REC114: variants seen among roughly 807,000 people sequenced by gnomAD.
REC114 encodes the protein meiotic recombination protein REC114.
A neutral mutation model predicts 31.3 loss-of-function variants in REC114; 27 were observed. That is an observed-to-expected ratio of 0.86 (90% CI 0.64 to 1.19). The LOEUF (loss-of-function observed/expected upper bound fraction) is 1.19. Among genes scored for constraint, REC114 ranks in the 50% most tolerant of loss-of-function variants. REC114 has a pLI of 0.00. For missense variants in REC114, 344 were observed against 326.9 expected (o/e 1.05, Z -0.40); for synonymous variants, 134 against 127.7 (o/e 1.05, Z -0.33).
rs146117195 is a variant in REC114 at position 73,475,643 on chromosome 15, G to A, written c.249+1722G>A. Among the ~76,000 whole-genome samples, 1,313 of 152,200 alleles carry A rather than the reference G, an allele frequency of 8.6e-3. 23 individuals are homozygous for A. Among genetic ancestry groups the A allele is most frequent in the African/African-American group, 0.029 (1,224 of 41,516 alleles). On this transcript the variant is annotated intron_variant, in intron 2 of 5. Transcript: ENST00000331090. Reference sequence around the variant, plus strand: ...TTTTTGAAGTTTATAATGTAAAAATGTTACAGTAAGCTAAGGTTAATTTGT... The same window carrying A: ...TTTTTGAAGTTTATAATGTAAAAATATTACAGTAAGCTAAGGTTAATTTGT...
intron 2 of REC114, chr15:73,483,067 T>C (rs2141298049): frequency 6.6e-6 from 1 of 152,300 alleles, no homozygotes; most frequent in South Asian, 2.1e-4. Flanking sequence ...GGTATCTCCT[T>C]ATGGTTTTGA....
chr15:73,504,781 A>G (rs1283847773), intron 2 of REC114, among the ~76,000 whole-genome samples: 4 of 152,132 alleles, frequency 2.6e-5, no homozygotes, highest in Non-Finnish European at 5.9e-5. Context: ...ATTAAAAAAA[A>G]TTGACTATTC....
chr15:73,523,217 T>G (rs1893960384), intron 2 of REC114, among the ~76,000 whole-genome samples: 2 of 152,044 alleles, frequency 1.3e-5, no homozygotes, highest in African/African-American at 4.8e-5. Flanking sequence ...TTAAAGGAGT[T>G]TAATTGAGCA....
intron 2 of REC114, among the ~76,000 whole-genome samples, chr15:73,537,745 A>C (rs140211118): frequency 3.9e-5 from 6 of 152,374 alleles, no homozygotes; most frequent in East Asian, 3.9e-4. Flanking sequence ...TCATACATGC[A>C]TAAGAAGCTT....
intron 3 of REC114, 134 bp from the exon 4 acceptor site, chr15:73,550,804 C>T: frequency 1.3e-6 from 1 of 753,546 alleles, no homozygotes. Flanking sequence ...ATGCCTGCAT[C>T]AATAAGTGAA....
chr15:73,529,232 G>T (rs891275592), intron 2 of REC114, among the ~76,000 whole-genome samples: 1 of 151,876 alleles, frequency 6.6e-6, no homozygotes, highest in African/African-American at 2.4e-5. Flanking sequence ...CTGCCTGCCA[G>T]GTTCACGCCA....
intron 2 of REC114, among the ~76,000 whole-genome samples, chr15:73,502,783 G>A (rs994747439): frequency 6.6e-6 from 1 of 152,140 alleles, no homozygotes; most frequent in African/African-American, 2.4e-5. Flanking sequence ...ATTGTTCAGA[G>A]CATAAATATT....
intron 2 of REC114, among the ~76,000 whole-genome samples, chr15:73,511,513 C>T: frequency 6.6e-6 from 1 of 151,808 alleles, no homozygotes; most frequent in East Asian, 1.9e-4. Context: ...TCTTGCTTCT[C>T]TAGTTCTTTT....
At chr15:73,478,300 A>AT (rs1893243939) in intron 2 of REC114, among the ~76,000 whole-genome samples, 1 of 135,848 alleles carries the variant, frequency 7.4e-6, no homozygotes, top group Admixed American at 7.3e-5. Flanking sequence ...ATTTGGGTTT[A>AT]TTTTTTGCAC....
intron 1 of REC114, among the ~76,000 whole-genome samples, chr15:73,470,770 T>A (rs533258049): frequency 2.0e-5 from 3 of 152,174 alleles, no homozygotes; most frequent in Non-Finnish European, 4.4e-5. Context: ...AGTTTTCAGA[T>A]GGATGGTTAG....
chr15:73,532,409 A>G (rs1004756444), intron 2 of REC114, among the ~76,000 whole-genome samples: 2 of 150,356 alleles, frequency 1.3e-5, no homozygotes, highest in African/African-American at 4.9e-5. Context: ...GTTGGTTCCA[A>G]GTCTTTGCTA....
At chr15:73,466,285 T>C (rs1179373553) in intron 1 of REC114, among the ~76,000 whole-genome samples, 2 of 152,032 alleles carry the variant, frequency 1.3e-5, no homozygotes, top group African/African-American at 4.8e-5. Flanking sequence ...CTGGGTTCGG[T>C]GGTGCATGCC....
intron 2 of REC114, among the ~76,000 whole-genome samples, chr15:73,485,509 T>A (rs994004599): frequency 1.3e-5 from 2 of 152,162 alleles, no homozygotes; most frequent in Non-Finnish European, 2.9e-5. Context: ...GATGATTAGA[T>A]CATGGGGGTG....
At chr15:73,540,008 G>A (rs932870737) in intron 2 of REC114, among the ~76,000 whole-genome samples, 1 of 152,022 alleles carries the variant, frequency 6.6e-6, no homozygotes, top group East Asian at 1.9e-4. Context: ...TAAACATTCA[G>A]TATCCAAAAG....
intron 2 of REC114, among the ~76,000 whole-genome samples, chr15:73,527,209 G>A (rs1450392084): frequency 6.6e-6 from 1 of 152,148 alleles, no homozygotes; most frequent in Non-Finnish European, 1.5e-5. Flanking sequence ...TGGAATTCTA[G>A]GACTGTTTGA....
intron 2 of REC114, among the ~76,000 whole-genome samples, chr15:73,496,377 A>T (rs1893525627): frequency 6.7e-6 from 1 of 149,892 alleles, no homozygotes; most frequent in Non-Finnish European, 1.5e-5. Flanking sequence ...AAAAAAAAAA[A>T]AGTTGCAAAA....
intron 2 of REC114, among the ~76,000 whole-genome samples, chr15:73,497,354 CTTAT>C (rs1893542819): frequency 6.6e-6 from 1 of 152,088 alleles, no homozygotes; most frequent in African/African-American, 2.4e-5. Flanking sequence ...TCCCTTTTCC[CTTAT>C]TTATTTATGT....
intron 2 of REC114, among the ~76,000 whole-genome samples, chr15:73,521,179 A>T (rs1004107076): frequency 3.3e-5 from 5 of 152,224 alleles, no homozygotes; most frequent in African/African-American, 1.2e-4. Flanking sequence ...CTGGTGAGAG[A>T]CTTCAACACA....
At chr15:73,541,297 C>T (rs368663585) in intron 3 of REC114, among the ~76,000 whole-genome samples, 2 of 152,112 alleles carry the variant, frequency 1.3e-5, no homozygotes, top group East Asian at 3.9e-4. Context: ...GGCCAGCAGA[C>T]CACAGTAGTT....
Sources: gnomAD v4.1 joint callset for allele counts (sites outside exome capture counted in the v4.1 genomes callset) on GRCh38, gnomAD v4.1.1 for gene constraint, MANE v1.5 for transcripts, NCBI Gene and HGNC (gene_info 2026-07-23, HGNC 2026-07-21) for gene names.